SOX6: variants seen among roughly 807,000 people sequenced by gnomAD.
SOX6 encodes transcription factor SOX-6.
Under a neutral mutation model 97.8 loss-of-function variants are expected in SOX6, and 11 were observed. That is an observed-to-expected ratio of 0.11 (90% confidence interval 0.07 to 0.19). The LOEUF (loss-of-function observed/expected upper bound fraction) is 0.19, where lower values mean the gene tolerates loss of function less well. Among genes scored for constraint, SOX6 ranks in the 10% least tolerant of loss-of-function variants. SOX6 has a pLI of 1.00. For missense variants in SOX6, 810 were observed against 1,039.5 expected, an observed-to-expected ratio of 0.78 and a Z score of 3.04; for synonymous variants, 360 against 371.4, an observed-to-expected ratio of 0.97 and a Z score of 0.35.
intron 3 of SOX6, among the ~76,000 whole-genome samples, chr11:16,235,054 C>T (rs1852974659): frequency 6.6e-6 from 1 of 151,778 alleles, no homozygotes; most frequent in Non-Finnish European, 1.5e-5. Flanking sequence ...TAAGTCCAAG[C>T]AAAATGTATG....
chr11:16,484,895 A>G (rs542487521), intron 4 of SOX6, among the ~76,000 whole-genome samples: 10 of 152,158 alleles, frequency 6.6e-5, no homozygotes, highest in Non-Finnish European at 1.5e-4. Flanking sequence ...ATAAAGTTCA[A>G]ATTTCTGGGC....
chr11:16,307,823 A>AT (rs896868823), intron 3 of SOX6, among the ~76,000 whole-genome samples: 5 of 152,056 alleles, frequency 3.3e-5, no homozygotes, highest in South Asian at 4.2e-4. Flanking sequence ...ACCTTCATCA[A>AT]TTTTTTTCTA....
At chr11:16,558,747 T>C (rs1179694537) in intron 4 of SOX6, among the ~76,000 whole-genome samples, 1 of 151,960 alleles carries the variant, frequency 6.6e-6, no homozygotes, top group Non-Finnish European at 1.5e-5. Flanking sequence ...ATGAGCAAAC[T>C]CACCTGTTCA....
In SOX6 at chr11:15,986,543, T is replaced by C. The variant is rs1853846359; in HGVS notation, c.1967-123A>G. 2.3e-5 allele frequency: 19 copies of C among 833,138 alleles called. No individual in the cohort carries two copies. In the South Asian group the frequency reaches 2.4e-4, roughly 11 times the overall value. 51.6% of individuals were successfully genotyped at this position (833,138 alleles called of 1,614,324 possible). A position where few individuals can be genotyped will look rare whatever the true frequency, so the allele number is the denominator to read the frequency against. ...GCGCTGGGTGGCTCCAATTCCCACA[T>C]ACCACTGGCTGTCCCAACTATACTT... On this transcript the variant is annotated intron_variant, in intron 14 of 15. Transcript: ENST00000683767.
At chr11:16,558,556 CA>C (rs1847774401) in intron 4 of SOX6, among the ~76,000 whole-genome samples, 1 of 151,952 alleles carries the variant, frequency 6.6e-6, no homozygotes, top group African/African-American at 2.4e-5. Context: ...AACTTTTACC[CA>C]AAGCAGAAAC....
At chr11:16,017,368 GA>G (rs1296880329) in intron 12 of SOX6, among the ~76,000 whole-genome samples, 1 of 151,996 alleles carries the variant, frequency 6.6e-6, no homozygotes, top group Non-Finnish European at 1.5e-5. Context: ...TGTTAAATAG[GA>G]AGAAAATAAA....
chr11:16,599,590 C>A (rs1343330803), intron 4 of SOX6, among the ~76,000 whole-genome samples: 2 of 152,098 alleles, frequency 1.3e-5, no homozygotes, highest in Admixed American at 6.5e-5. Context: ...TGCCACTACA[C>A]ATTTTCATGC....
chr11:16,442,355 C>A (rs1177818928), intron 1 of SOX6, among the ~76,000 whole-genome samples: 6 of 152,092 alleles, frequency 3.9e-5, no homozygotes. Context: ...TATTGTAAAG[C>A]CTGACCTTAT....
At chr11:16,454,488 A>C (rs1859779025) in intron 1 of SOX6, among the ~76,000 whole-genome samples, 1 of 152,064 alleles carries the variant, frequency 6.6e-6, no homozygotes, top group African/African-American at 2.4e-5. Flanking sequence ...GTAATGTTTA[A>C]GTTTATGATG....
chr11:16,637,906 T>A (rs7101494), intron 3 of SOX6, among the ~76,000 whole-genome samples: 40,487 of 151,064 alleles, frequency 0.27, 6,151 homozygotes, highest in East Asian at 0.53. Context: ...GGACATAGGG[T>A]CTCATTCTTT....
At chr11:16,572,646 T>C (rs1027058488) in intron 4 of SOX6, among the ~76,000 whole-genome samples, 1 of 152,222 alleles carries the variant, frequency 6.6e-6, no homozygotes, top group African/African-American at 2.4e-5. Context: ...TAATAGAGTA[T>C]GTAGTTTGAT....
At chr11:16,360,127 C>A (rs778518208), upstream of SOX6, among the ~76,000 whole-genome samples, 21 of 152,120 alleles carry the variant, frequency 1.4e-4, no homozygotes, top group Non-Finnish European at 2.8e-4. Context: ...CTAAGACCTA[C>A]AATAATCTTA....
At chr11:16,678,868 T>C (rs918090872) in intron 3 of SOX6, among the ~76,000 whole-genome samples, 6 of 152,150 alleles carry the variant, frequency 3.9e-5, no homozygotes, top group African/African-American at 1.4e-4. Flanking sequence ...CAGTCTGAGA[T>C]TGACCTGCGA....
intron 4 of SOX6, among the ~76,000 whole-genome samples, chr11:16,212,942 C>A (rs945230871): frequency 6.6e-6 from 1 of 152,082 alleles, no homozygotes; most frequent in African/African-American, 2.4e-5. Context: ...CATGCCAAAG[C>A]CAAAAAGCAG....
rs768579985 is a variant in SOX6 at position 16,341,072 on chromosome 11, A to G, written c.177T>C (p.Leu59=). Residue 59 remains leucine, a synonymous_variant, in exon 2 of 16, where the codon CTT becomes CTC. Transcript: ENST00000683767. ...CAGCATCTTGTTGAATGGTACTGAC[A>G]AGTGTTGGTAGCTCCTCAGAGTGAG... ...NKPHSEELPT[L]VSTIQQDADW... is the part of the protein sequence containing the mutation. 3.1e-6 allele frequency: 5 copies of G among 1,613,476 alleles called. No homozygotes were observed. In the Admixed American group the frequency reaches 6.7e-5, roughly 22 times the overall value.
chr11:16,175,620 C>G (rs947021044), intron 6 of SOX6, among the ~76,000 whole-genome samples: 9 of 151,844 alleles, frequency 5.9e-5, no homozygotes, highest in Non-Finnish European at 8.8e-5. Flanking sequence ...GTCATACATT[C>G]CTTACATATG....
At chr11:16,077,876 G>A (rs1023435574) in intron 9 of SOX6, among the ~76,000 whole-genome samples, 2 of 151,980 alleles carry the variant, frequency 1.3e-5, no homozygotes, top group East Asian at 1.9e-4. Context: ...TTACCTGGGC[G>A]ATGAAATAAT....
intron 6 of SOX6, among the ~76,000 whole-genome samples, chr11:16,179,635 G>A (rs1026727401): frequency 6.6e-6 from 1 of 151,826 alleles, no homozygotes; most frequent in African/African-American, 2.4e-5. Context: ...AATGAATATT[G>A]CACATTAATC....
Position 16,032,197 on chromosome 11 carries a change from T to TA in SOX6, c.1623+14316dup, listed in dbSNP as rs1324822062. 5.3e-5 allele frequency among the ~76,000 whole-genome samples: 8 copies of TA among 152,090 alleles called. 1 individual carries two copies. On this transcript the variant is annotated intron_variant, in intron 12 of 15. Coordinates refer to ENST00000683767, the MANE Select transcript of SOX6 (RefSeq NM_001367873.1). ...TAAGACATGGGCTCTTCCTTCAAGT[T>TA]ACCAATAATGGTAACAGTGTGGTGC...
Sources: gnomAD v4.1 joint callset for allele counts (sites outside exome capture counted in the v4.1 genomes callset) on GRCh38, gnomAD v4.1.1 for gene constraint, MANE v1.5 for transcripts, NCBI Gene and HGNC (gene_info 2026-07-23, HGNC 2026-07-21) for gene names.